Variants in RAP1GAP observed in about 807,000 individuals in gnomAD.
The protein encoded by RAP1GAP is rap1 GTPase-activating protein 1.
A neutral mutation model predicts 87.2 loss-of-function variants in RAP1GAP; 35 were observed. The observed-to-expected ratio is 0.40, with a 90% CI of 0.31 to 0.53. The LOEUF is 0.53. Among genes scored for constraint, RAP1GAP ranks in the 20% least tolerant of loss-of-function variants. RAP1GAP has a pLI of 0.48. For missense variants in RAP1GAP, 734 were observed against 898.9 expected (o/e 0.82, Z 2.35); for synonymous variants, 375 against 363.9 (o/e 1.03, Z -0.35).
rs1371261280 is a variant in RAP1GAP, at chr1:21,609,296, G to C, written c.1071+279C>G. 2.0e-5 allele frequency among the ~76,000 whole-genome samples: 3 copies of C among 151,830 alleles called. No homozygotes were observed. Among genetic ancestry groups the C allele is most frequent in the African/African-American group, 2.4e-5 (1 of 41,400 alleles). Reference sequence around the variant, plus strand: ...CCCCAAACATTTTAGAAGAAAGAAAGAGACTGGAACTGTCAGAAAGAGAAC... The same window carrying C: ...CCCCAAACATTTTAGAAGAAAGAAACAGACTGGAACTGTCAGAAAGAGAAC... On this transcript the variant is annotated intron_variant, in intron 15 of 24. Coordinates refer to ENST00000374765, the MANE Select transcript of RAP1GAP (RefSeq NM_002885.4). This position sits in a 1 kb window ranked among gnomAD's most constrained non-coding sequence, Gnocchi z 4.4.
intron 2 of RAP1GAP, among the ~76,000 whole-genome samples, chr1:21,637,357 G>T (rs1202883290): frequency 2.7e-5 from 4 of 150,524 alleles, no homozygotes; most frequent in Admixed American, 2.0e-4. Flanking sequence ...GTTTCACCAT[G>T]TTGCCCAAGC....
chr1:21,613,371 T>A lies in RAP1GAP; in HGVS notation c.475-142A>T. On this transcript the variant is annotated intron_variant, in intron 9 of 24. Coordinates refer to ENST00000374765, the MANE Select transcript of RAP1GAP (RefSeq NM_002885.4). The surrounding 1 kb of genome is among the most constrained non-coding windows in gnomAD (Gnocchi z 4.7). ...TAAAGCAGGACTCGGGGTTCACTGT[T>A]GCTCAGGGAACGGAGGTCCCCTGAG... is the stretch of plus-strand genomic sequence containing the variant. 1 of 836,124 alleles carries A rather than the reference T, an allele frequency of 1.2e-6. No homozygotes were observed. The highest frequency in any genetic ancestry group is 2.0e-6 in the Non-Finnish European group (1 of 500,336). 51.8% of individuals were successfully genotyped at this position (836,124 alleles called of 1,614,324 possible).
intron 2 of RAP1GAP, among the ~76,000 whole-genome samples, chr1:21,629,715 G>C (rs1233486186): frequency 6.6e-6 from 1 of 152,202 alleles, no homozygotes; most frequent in Non-Finnish European, 1.5e-5. Context: ...ACGTCCTGCC[G>C]GGCGTCTTGC....
chr1:21,665,460 T>C (rs904833781), intron 1 of RAP1GAP: 2 of 282,010 alleles, frequency 7.1e-6, no homozygotes, highest in African/African-American at 2.2e-5. Context: ...CACTACATGC[T>C]CATTAAATGC....
chr1:21,609,790 G>C lies in RAP1GAP; in HGVS notation c.1000-144C>G, dbSNP rs2077084978. The C allele has an allele frequency of 3.1e-6, 2 of 648,978 alleles. No homozygotes were observed. The highest frequency in any genetic ancestry group is 5.1e-6 in the Non-Finnish European group (2 of 394,158). 40.2% of individuals were successfully genotyped at this position (648,978 alleles called of 1,614,324 possible). ...GTGGGCTGGATGAATCTTTCTTCCAGAGATTTCTGCCCTCTATCTTTTGCC... is the reference window on the plus strand; with the variant it reads ...GTGGGCTGGATGAATCTTTCTTCCACAGATTTCTGCCCTCTATCTTTTGCC... On this transcript the variant is annotated intron_variant, in intron 14 of 24. Coordinates refer to ENST00000374765, the MANE Select transcript of RAP1GAP (RefSeq NM_002885.4). This position sits in a 1 kb window ranked among gnomAD's most constrained non-coding sequence, Gnocchi z 4.4.
chr1:21,618,813 A>C (rs1300341266), intron 5 of RAP1GAP, among the ~76,000 whole-genome samples: 1 of 152,008 alleles, frequency 6.6e-6, no homozygotes, highest in African/African-American at 2.4e-5. Flanking sequence ...CTCTAGCAAG[A>C]GAGGGGTTCT....
intron 1 of RAP1GAP, among the ~76,000 whole-genome samples, chr1:21,664,649 T>C (rs1483783948): frequency 1.3e-5 from 2 of 152,200 alleles, no homozygotes; most frequent in African/African-American, 4.8e-5. Flanking sequence ...GGAGGAAACT[T>C]ACCCAGCTCA....
chr1:21,656,691 C>T (rs2096881431), intron 1 of RAP1GAP, among the ~76,000 whole-genome samples: 1 of 152,156 alleles, frequency 6.6e-6, no homozygotes, highest in Non-Finnish European at 1.5e-5. Context: ...ACTGAGCCAG[C>T]CTCTGCCCTG....
At chr1:21,611,991 G>C (rs1356802632) in intron 11 of RAP1GAP, 35 bp downstream of exon 11, 1 of 1,509,640 alleles carries the variant, frequency 6.6e-7, no homozygotes, top group Admixed American at 1.9e-5. Context: ...TATGGGGCCA[G>C]GTGGGGAGGG....
In RAP1GAP at chr1:21,598,426, C is replaced by T; in HGVS notation, c.1853G>A (p.Ser618Asn). ...TGGGGAGCTGCCCCCACTAGTGGTG[C>T]TGACACTGTCCTCCAGCCACGTGCT... is the stretch of plus-strand genomic sequence containing the variant. The part of the protein sequence containing the change: ...IYSTWLEDSV[S>N]TTSGGSSPGP... The change falls in exon 22 of 25, where the codon AGC (serine) becomes AAC (asparagine). Residue 618 changes from serine (S) to asparagine (N), a missense_variant. By Grantham distance (46) the Ser-to-Asn change is conservative (BLOSUM62 1). Coordinates refer to ENST00000374765, the MANE Select transcript of RAP1GAP (RefSeq NM_002885.4). 6.2e-7 allele frequency: 1 copy of T among 1,613,974 alleles called. No individual in the cohort carries two copies. The highest frequency in any genetic ancestry group is 8.5e-7 in the Non-Finnish European group (1 of 1,179,860).
intron 17 of RAP1GAP, among the ~76,000 whole-genome samples, chr1:21,606,490 C>T (rs964964254): frequency 3.3e-5 from 5 of 152,324 alleles, no homozygotes; most frequent in African/African-American, 9.6e-5. Flanking sequence ...TCAGTTCTCT[C>T]ACTCTCTGGG....
At chr1:21,633,874 T>A (rs2150864987) in intron 2 of RAP1GAP, among the ~76,000 whole-genome samples, 1 of 151,776 alleles carries the variant, frequency 6.6e-6, no homozygotes, top group Admixed American at 6.6e-5. Context: ...GGGTGGAGGA[T>A]GAGGACAAGG....
At position 21,611,593 on chromosome 1, in the gene RAP1GAP, C is replaced by A. The variant is rs745344768; in HGVS notation, c.714-12G>T. On this transcript the variant is annotated splice_polypyrimidine_tract_variant and intron_variant, in intron 12 of 24. Transcript: ENST00000374765. ...GGCCTCCTCGGAACCTGCCCCGGGG[C>A]CCCCCAGGCCACGCCTCAGTCTCCA... 3.7e-6 allele frequency: 6 copies of A among 1,613,794 alleles called. No individual in the cohort carries two copies. The highest frequency in any genetic ancestry group is 5.1e-6 in the Non-Finnish European group (6 of 1,179,954).
chr1:21,643,734 C>T (rs1184897028), intron 2 of RAP1GAP, among the ~76,000 whole-genome samples: 2 of 152,146 alleles, frequency 1.3e-5, no homozygotes, highest in African/African-American at 2.4e-5. Context: ...CATCCCCCTG[C>T]GCATACACTC....
rs1418077416 is a variant in RAP1GAP, at chr1:21,622,648, C to G, written c.-18-2598G>C. The G allele has an allele frequency of 6.8e-6, 1 of 147,492 alleles. No homozygotes were observed. Among genetic ancestry groups the G allele is most frequent in the Non-Finnish European group, 1.5e-5 (1 of 66,280 alleles). The allele number at this position is 147,492 out of a possible 1,614,324, so 9.1% of individuals were successfully genotyped here. A position where few individuals can be genotyped will look rare whatever the true frequency, so the allele number is the denominator to read the frequency against. On this transcript the variant is annotated intron_variant, in intron 3 of 24. Coordinates refer to ENST00000374765, the MANE Select transcript of RAP1GAP (RefSeq NM_002885.4). The surrounding 1 kb of genome is among the most constrained non-coding windows in gnomAD (Gnocchi z 5.7). ...GCGGGGCGGGGGCGCTGAAGCCACG[C>G]CCCCCGGGCGGCCCGGCCCGCGGCC...
intron 7 of RAP1GAP, 135 bp downstream of exon 7, chr1:21,617,171 G>A (rs2082702567): frequency 3.1e-6 from 3 of 969,474 alleles, no homozygotes; most frequent in East Asian, 5.3e-5. Context: ...TGTGTGGTGG[G>A]AGCACATTCA....
intron 12 of RAP1GAP, 41 bp from the exon 13 acceptor site, chr1:21,611,622 C>A: frequency 6.2e-7 from 1 of 1,613,796 alleles, no homozygotes; most frequent in East Asian, 2.2e-5. Flanking sequence ...GTCTCCAGCC[C>A]TGGCCAGGCC....
chr1:21,617,674 G>A (rs1168301605), intron 6 of RAP1GAP, among the ~76,000 whole-genome samples, 183 bp from the exon 7 acceptor site: 2 of 152,208 alleles, frequency 1.3e-5, no homozygotes, highest in East Asian at 3.9e-4. Flanking sequence ...CCCAGACAGC[G>A]CCGAGACCCA....
intron 1 of RAP1GAP, among the ~76,000 whole-genome samples, chr1:21,660,096 G>C (rs2097060310): frequency 6.6e-6 from 1 of 151,564 alleles, no homozygotes; most frequent in African/African-American, 2.4e-5. Context: ...TGCGGGCATG[G>C]AGCCTCAAGA....
Sources: allele counts gnomAD v4.1 joint callset (sites outside exome capture counted in the v4.1 genomes callset), GRCh38; gene constraint gnomAD v4.1.1; non-coding constraint Gnocchi (gnomAD v3.1); transcripts MANE v1.5; gene names NCBI Gene and HGNC (gene_info 2026-07-23, HGNC 2026-07-21).